The following LSAMP variants were observed in gnomAD, a reference collection of about 807,000 sequenced individuals.
The protein encoded by LSAMP is limbic system-associated membrane protein.
In LSAMP, 7 loss-of-function variants were observed where a neutral mutation model predicts 38.6. The ratio of observed to expected loss-of-function variants is 0.18; its 90% CI spans 0.10 to 0.34. LSAMP has a LOEUF of 0.34. Ranked by LOEUF, LSAMP falls within the 10% of genes least tolerant of loss-of-function variation. The pLI, the probability that LSAMP is intolerant of heterozygous loss-of-function variation, is 1.00. For missense variants in LSAMP, 313 were observed against 420.0 expected (o/e 0.75, Z 2.23); for synonymous variants, 154 against 166.8 (o/e 0.92, Z 0.59).
chr3:116,440,145 A>G (rs954797042), intron 1 of LSAMP, among the ~76,000 whole-genome samples: 10 of 152,218 alleles, frequency 6.6e-5, no homozygotes, highest in East Asian at 1.9e-4. Flanking sequence ...ACAAACTAAG[A>G]GGTAGGACAT....
At chr3:116,391,862 T>C (rs1020699937) in intron 1 of LSAMP, among the ~76,000 whole-genome samples, 5 of 152,086 alleles carry the variant, frequency 3.3e-5, no homozygotes, top group African/African-American at 9.7e-5. Context: ...GAGGCTTCTC[T>C]GCCTGGGAAG....
chr3:115,843,887 A>C (rs2107507936), intron 4 of LSAMP, among the ~76,000 whole-genome samples: 1 of 152,316 alleles, frequency 6.6e-6, no homozygotes, highest in Non-Finnish European at 1.5e-5. Context: ...GTATGTAAAC[A>C]GGCGTGCTAA....
chr3:116,383,944 T>G (rs2048593336), intron 1 of LSAMP, among the ~76,000 whole-genome samples: 1 of 152,126 alleles, frequency 6.6e-6, no homozygotes, highest in Non-Finnish European at 1.5e-5. Context: ...AGTGTATTGG[T>G]GTCTAACAGC....
chr3:116,310,223 CTG>C (rs1258780948), intron 1 of LSAMP, among the ~76,000 whole-genome samples: 1 of 152,148 alleles, frequency 6.6e-6, no homozygotes, highest in Non-Finnish European at 1.5e-5. Flanking sequence ...TAAGGTCAGA[CTG>C]TAAAATATCT....
At chr3:116,018,645 G>A (rs1274988875) in intron 3 of LSAMP, among the ~76,000 whole-genome samples, 2 of 152,102 alleles carry the variant, frequency 1.3e-5, no homozygotes, top group African/African-American at 2.4e-5. Flanking sequence ...TGTGTTATTT[G>A]ACAAGACATG....
At chr3:116,213,056 T>C (rs2046180059) in intron 1 of LSAMP, among the ~76,000 whole-genome samples, 1 of 152,222 alleles carries the variant, frequency 6.6e-6, no homozygotes, top group African/African-American at 2.4e-5. Context: ...AGCTTCACTG[T>C]CCATGACCAA....
At chr3:115,835,551 A>G (rs1017543013) in intron 6 of LSAMP, among the ~76,000 whole-genome samples, 1 of 152,230 alleles carries the variant, frequency 6.6e-6, no homozygotes, top group Non-Finnish European at 1.5e-5. Flanking sequence ...ACACTTTTCT[A>G]TGTTTCTCCT....
intron 1 of LSAMP, among the ~76,000 whole-genome samples, chr3:116,110,470 T>C (rs1708579901): frequency 6.6e-6 from 1 of 151,786 alleles, no homozygotes; most frequent in Admixed American, 6.6e-5. Context: ...CTTCCCAGTC[T>C]GTGACCGGCG....
intron 3 of LSAMP, among the ~76,000 whole-genome samples, chr3:115,986,834 G>A (rs1232789514): frequency 6.6e-6 from 1 of 152,126 alleles, no homozygotes; most frequent in Non-Finnish European, 1.5e-5. Context: ...AATGACTAAT[G>A]TTTCTCCCAT....
At chr3:116,358,070 G>A (rs1225047418) in intron 1 of LSAMP, among the ~76,000 whole-genome samples, 4 of 152,106 alleles carry the variant, frequency 2.6e-5, no homozygotes, top group African/African-American at 7.2e-5. Flanking sequence ...TTGCATGAGA[G>A]TGCTTTGTAT....
At chr3:116,304,824 AGAAATT>A (rs2047460803) in intron 1 of LSAMP, among the ~76,000 whole-genome samples, 3 of 152,120 alleles carry the variant, frequency 2.0e-5, no homozygotes, top group Non-Finnish European at 4.4e-5. Flanking sequence ...TAGATTGAAC[AGAAATT>A]TATGCCAGGA....
intron 1 of LSAMP, among the ~76,000 whole-genome samples, chr3:116,340,390 C>T (rs1462214377): frequency 6.6e-6 from 1 of 151,862 alleles, no homozygotes; most frequent in Non-Finnish European, 1.5e-5. Flanking sequence ...CTACATACCC[C>T]AGTGTAGATC....
rs761560845 is a variant in LSAMP, at chr3:116,251,662, G to C, written c.156-165106C>G. Among the ~76,000 whole-genome samples, 232 of 152,320 alleles carry C rather than the reference G, an allele frequency of 1.5e-3. 1 individual carries two copies. Among genetic ancestry groups the C allele is most frequent in the Non-Finnish European group, 2.6e-3 (177 of 68,036 alleles). ...TAGATAACTGACCCATTCCTCAGAA[G>C]GGATTACTGCAAGGAGTGGAAGCTT... On this transcript the variant is annotated intron_variant, in intron 1 of 6. Coordinates refer to ENST00000490035, the MANE Select transcript of LSAMP (RefSeq NM_002338.5).
chr3:116,130,377 CG>C (rs1559753957), intron 1 of LSAMP, among the ~76,000 whole-genome samples: 109 of 152,268 alleles, frequency 7.2e-4, no homozygotes, highest in African/African-American at 2.5e-3. Flanking sequence ...TATATCTCAA[CG>C]GTATAGGTAC....
intron 1 of LSAMP, among the ~76,000 whole-genome samples, chr3:116,197,753 G>A (rs180864857): frequency 1.3e-5 from 2 of 152,232 alleles, no homozygotes; most frequent in Admixed American, 1.3e-4. Context: ...TTTTACAGAT[G>A]TCTTTTCTGG....
intron 1 of LSAMP, among the ~76,000 whole-genome samples, chr3:116,286,134 G>A (rs1559813900): frequency 6.6e-6 from 1 of 152,150 alleles, no homozygotes; most frequent in African/African-American, 2.4e-5. Flanking sequence ...TTGAGGCAAT[G>A]TCCTTCCTAT....
chr3:116,369,208 T>A (rs1042543030), intron 1 of LSAMP, among the ~76,000 whole-genome samples: 1 of 151,988 alleles, frequency 6.6e-6, no homozygotes, highest in South Asian at 2.1e-4. Context: ...CAACAATAAA[T>A]AAGACAGAGC....
At chr3:116,222,266 CA>C (rs58303455) in intron 1 of LSAMP, among the ~76,000 whole-genome samples, 44,161 of 129,548 alleles carry the variant, frequency 0.34, 6,943 homozygotes, top group African/African-American at 0.47. Flanking sequence ...TTTATGACTT[CA>C]AAAAAAAAAA....
At chr3:116,348,784 T>C (rs1043741233) in intron 1 of LSAMP, among the ~76,000 whole-genome samples, 4 of 152,148 alleles carry the variant, frequency 2.6e-5, no homozygotes, top group Non-Finnish European at 5.9e-5. Context: ...ATCAAAAATC[T>C]CCTGAAGAGG....
Sources: gnomAD v4.1 joint callset for allele counts (sites outside exome capture counted in the v4.1 genomes callset) on GRCh38, gnomAD v4.1.1 for gene constraint, MANE v1.5 for transcripts, NCBI Gene and HGNC (gene_info 2026-07-23, HGNC 2026-07-21) for gene names.